Variants in ACYP2 observed in about 807,000 individuals in gnomAD.
ACYP2 encodes the protein acylphosphatase-2.
Under a neutral mutation model 11.2 loss-of-function variants are expected in ACYP2, and 12 were observed. The observed-to-expected ratio is 1.08, with a 90% CI of 0.69 to 1.74. The LOEUF is 1.74. Ranked by LOEUF, ACYP2 falls within the 40% of genes most tolerant of loss-of-function variation. ACYP2 has a pLI of 0.00. For missense variants in ACYP2, 134 were observed against 101.9 expected (o/e 1.31, Z -1.35); for synonymous variants, 43 against 32.2 (o/e 1.33, Z -1.13).
At chr2:54,048,870 A>G (rs1166497380) in intron 2 of ACYP2, among the ~76,000 whole-genome samples, 1 of 152,218 alleles carries the variant, frequency 6.6e-6, no homozygotes, top group Non-Finnish European at 1.5e-5. Flanking sequence ...ACCTCATACC[A>G]GGCAAGGGTA....
At chr2:54,227,068 A>C (rs755559326) in intron 6 of ACYP2, among the ~76,000 whole-genome samples, 1 of 152,204 alleles carries the variant, frequency 6.6e-6, no homozygotes, top group African/African-American at 2.4e-5. Flanking sequence ...CATTGGGTAC[A>C]AATACTGAAT....
chr2:54,137,548 CTG>C (rs140334807), intron 5 of ACYP2, among the ~76,000 whole-genome samples: 5,243 of 152,188 alleles, frequency 0.034, 292 homozygotes, highest in African/African-American at 0.12. Flanking sequence ...GTTTCTATTC[CTG>C]TGTTAGTTTG....
At chr2:54,239,095 G>A (rs187781275) in intron 6 of ACYP2, among the ~76,000 whole-genome samples, 55 of 152,050 alleles carry the variant, frequency 3.6e-4, no homozygotes, top group African/African-American at 7.2e-4. Flanking sequence ...ATGTGTATTC[G>A]TCATAGCTGC....
intron 2 of ACYP2, among the ~76,000 whole-genome samples, chr2:54,025,934 T>G (rs1317526334): frequency 6.6e-6 from 1 of 152,180 alleles, no homozygotes; most frequent in African/African-American, 2.4e-5. Flanking sequence ...CTGGCCAACA[T>G]GGTGAAACCC....
intron 6 of ACYP2, among the ~76,000 whole-genome samples, chr2:54,239,986 C>T (rs1686662653): frequency 6.6e-6 from 1 of 152,168 alleles, no homozygotes; most frequent in Non-Finnish European, 1.5e-5. Flanking sequence ...TACATATTCT[C>T]ACCAGTTTAG....
chr2:54,237,473 A>ATGAAG (rs1426735275), intron 6 of ACYP2, among the ~76,000 whole-genome samples: 3 of 152,162 alleles, frequency 2.0e-5, no homozygotes, highest in African/African-American at 7.2e-5. Flanking sequence ...AATTCTCTAC[A>ATGAAG]TGAAGTGAAA....
At chr2:54,195,916 GC>G (rs1684458864) in intron 6 of ACYP2, among the ~76,000 whole-genome samples, 1 of 146,192 alleles carries the variant, frequency 6.8e-6, no homozygotes, top group Non-Finnish European at 1.5e-5. Context: ...TTCTGCCTCA[GC>G]CTCCTGAGTA....
intron 6 of ACYP2, among the ~76,000 whole-genome samples, chr2:54,144,981 G>A (rs7572559): frequency 0.2 from 29,656 of 151,896 alleles, 2,924 homozygotes; most frequent in East Asian, 0.3. Context: ...AGTTAATAAT[G>A]AAGGTGATTA....
intron 6 of ACYP2, among the ~76,000 whole-genome samples, chr2:54,278,138 G>A (rs946947906): frequency 2.6e-5 from 4 of 151,938 alleles, no homozygotes; most frequent in East Asian, 3.9e-4. Flanking sequence ...CCACCATGCC[G>A]AGCTAATTTT....
intron 6 of ACYP2, among the ~76,000 whole-genome samples, chr2:54,201,616 C>CTTTG (rs750904350): frequency 2.1e-3 from 181 of 88,148 alleles, no homozygotes; most frequent in Middle Eastern, 5.6e-3. Context: ...TTCTTTCTTT[C>CTTTG]TTTCTTTGTT....
At chr2:54,042,548 G>T (rs946353139) in intron 2 of ACYP2, among the ~76,000 whole-genome samples, 1 of 152,206 alleles carries the variant, frequency 6.6e-6, no homozygotes, top group African/African-American at 2.4e-5. Flanking sequence ...GTAGATGCTG[G>T]AGAGTGACTC....
At chr2:54,268,687 G>A (rs1202442678) in intron 6 of ACYP2, among the ~76,000 whole-genome samples, 1 of 151,704 alleles carries the variant, frequency 6.6e-6, no homozygotes, top group Non-Finnish European at 1.5e-5. Flanking sequence ...GCATGCGTCT[G>A]GAGTCCCAGC....
chr2:53,997,915 C>T (rs989571281), intron 2 of ACYP2, among the ~76,000 whole-genome samples: 1 of 152,158 alleles, frequency 6.6e-6, no homozygotes, highest in African/African-American at 2.4e-5. Flanking sequence ...TAGGTAAAGA[C>T]TAGGGCAGAA....
chr2:54,177,913 T>C (rs1427253062), intron 6 of ACYP2, among the ~76,000 whole-genome samples: 3 of 148,680 alleles, frequency 2.0e-5, no homozygotes, highest in African/African-American at 7.4e-5. Context: ...TTATTTTTTT[T>C]TTTTTTTTTG....
intron 6 of ACYP2, among the ~76,000 whole-genome samples, chr2:54,183,643 ATAAAAG>A (rs978953086): frequency 3.3e-5 from 5 of 152,348 alleles, no homozygotes; most frequent in Admixed American, 3.3e-4. Context: ...ACATATTTTC[ATAAAAG>A]TAAATTATAG....
intron 2 of ACYP2, among the ~76,000 whole-genome samples, chr2:54,042,234 A>G (rs1675270537): frequency 6.6e-6 from 1 of 152,040 alleles, no homozygotes; most frequent in Admixed American, 6.5e-5. Context: ...TCGAACTCTC[A>G]ACCTCAGGTG....
intron 6 of ACYP2, among the ~76,000 whole-genome samples, chr2:54,168,331 G>T (rs1189677339): frequency 3.9e-5 from 6 of 152,158 alleles, no homozygotes; most frequent in Non-Finnish European, 8.8e-5. Flanking sequence ...GGAGGCTGAG[G>T]GAGGAGAATC....
chr2:54,085,144 C>T (rs1333009946), intron 4 of ACYP2: 1 of 152,142 alleles, frequency 6.6e-6, no homozygotes, highest in Non-Finnish European at 1.5e-5. Flanking sequence ...GAAATATATT[C>T]CTGGTCAGGG....
In ACYP2 at chr2:54,049,017, G is replaced by A. The variant is rs576133151; in HGVS notation, c.63-1941G>A. Among the ~76,000 whole-genome samples, 3 of 152,266 alleles carry A rather than the reference G, an allele frequency of 2.0e-5. No homozygotes were observed. In the South Asian group the frequency reaches 6.2e-4, roughly 32 times the overall value. On this transcript the variant is annotated intron_variant, in intron 2 of 6. Coordinates refer to ENST00000607452, the MANE Select transcript of ACYP2 (RefSeq NM_001320586.2). ...GGGCCAGGTGCAGTGGCTCACACCT[G>A]TAATTCCAGCACTTTGGCAGGCTGA... is the stretch of plus-strand genomic sequence containing the variant.
Sources: allele counts gnomAD v4.1 joint callset (sites outside exome capture counted in the v4.1 genomes callset), GRCh38; gene constraint gnomAD v4.1.1; transcripts MANE v1.5; gene names NCBI Gene and HGNC (gene_info 2026-07-23, HGNC 2026-07-21).